The following TCERG1L variants were observed in gnomAD, a reference collection of about 807,000 sequenced individuals.
TCERG1L encodes transcription elongation regulator 1-like protein.
In TCERG1L, 37 loss-of-function variants were observed where a neutral mutation model predicts 56.3. The ratio of observed to expected loss-of-function variants is 0.66; its 90% confidence interval spans 0.51 to 0.87. The LOEUF is 0.87. TCERG1L is among the 40% of genes least tolerant of loss of function. The pLI is 0.00. For missense variants in TCERG1L, 799 were observed against 774.2 expected, an observed-to-expected ratio of 1.03 and a Z score of -0.38; for synonymous variants, 324 against 326.3, an observed-to-expected ratio of 0.99 and a Z score of 0.08.
Position 131,267,433 on chromosome 10 carries a change from C to G in TCERG1L, c.671-6989G>C, listed in dbSNP as rs1227536317. Among the ~76,000 whole-genome samples, 1 of 152,230 alleles carries G rather than the reference C, an allele frequency of 6.6e-6. No individual in the cohort carries two copies. The highest frequency in any genetic ancestry group is 1.5e-5 in the Non-Finnish European group (1 of 68,038). On this transcript the variant is annotated intron_variant, in intron 3 of 11. Coordinates refer to ENST00000368642, the MANE Select transcript of TCERG1L (RefSeq NM_174937.4). This position sits in a 1 kb window ranked among gnomAD's most constrained non-coding sequence, Gnocchi z 4.9. ...AGGCCCACAGCTGCAACCTGGGTGG[C>G]TGCAACTGAGCCTCGGCAGCTCCCA...
intron 8 of TCERG1L, 68 bp from the exon 9 acceptor site, chr10:131,117,002 T>A (rs2133390290): frequency 1.3e-6 from 2 of 1,525,056 alleles, no homozygotes; most frequent in Middle Eastern, 1.7e-4. Context: ...TTGCAACCTT[T>A]ACAAACCCTC....
intron 4 of TCERG1L, among the ~76,000 whole-genome samples, chr10:131,194,534 ATT>A (rs1182214185): frequency 2.0e-5 from 3 of 152,010 alleles, no homozygotes; most frequent in African/African-American, 7.3e-5. Context: ...TCAAATTTTT[ATT>A]GTTAGGTGGT....
At position 131,158,726 on chromosome 10, in the gene TCERG1L, C is replaced by T. The variant is rs558508962; in HGVS notation, c.1034+4396G>A. Among the ~76,000 whole-genome samples the T allele has an allele frequency of 2.2e-3, 337 of 152,320 alleles. 1 individual carries two copies. Among genetic ancestry groups the T allele is most frequent in the African/African-American group, 7.5e-3 (310 of 41,572 alleles). ...TGGGATCTGACCTGAGCTGACAGCC[C>T]GGACCACCACCCCTGCCTGGCTGAG... On this transcript the variant is annotated intron_variant, in intron 6 of 11. Transcript: ENST00000368642.
At chr10:131,163,688 C>CTA (rs1564805242) in intron 5 of TCERG1L, among the ~76,000 whole-genome samples, 2 of 152,142 alleles carry the variant, frequency 1.3e-5, no homozygotes, top group Non-Finnish European at 2.9e-5. Flanking sequence ...TCCTCAATAA[C>CTA]GACTCTGCCA....
intron 4 of TCERG1L, among the ~76,000 whole-genome samples, chr10:131,183,719 AG>A (rs1327927996): frequency 6.6e-6 from 1 of 152,182 alleles, no homozygotes; most frequent in Admixed American, 6.5e-5. Context: ...CTCAGGGCCC[AG>A]GCTCTCTGGA....
intron 6 of TCERG1L, among the ~76,000 whole-genome samples, chr10:131,159,053 C>G (rs2133427183): frequency 6.6e-6 from 1 of 152,358 alleles, no homozygotes; most frequent in South Asian, 2.1e-4. Flanking sequence ...GAGCACAAGA[C>G]CTTTCCCTGC....
chr10:131,140,872 T>C (rs556277947), intron 7 of TCERG1L, among the ~76,000 whole-genome samples: 4 of 152,264 alleles, frequency 2.6e-5, no homozygotes, highest in African/African-American at 9.6e-5. Flanking sequence ...CCGCCTGCAC[T>C]GGAGGGCAAG....
At position 131,151,881 on chromosome 10, in the gene TCERG1L, G is replaced by A. The variant is rs142971497; in HGVS notation, c.1035-5221C>T. 3.2e-3 allele frequency among the ~76,000 whole-genome samples: 492 copies of A among 152,318 alleles called. 1 individual carries two copies. Among genetic ancestry groups the A allele is most frequent in the Middle Eastern group, 0.014 (4 of 294 alleles). ...AATTCTTGACTTCTGTGTACCCAGA[G>A]GCTCAACACGTGAAAGCCACCAAGG... On this transcript the variant is annotated intron_variant, in intron 6 of 11. Coordinates refer to ENST00000368642, the MANE Select transcript of TCERG1L (RefSeq NM_174937.4).
chr10:131,135,134 G>A (rs956361593), intron 7 of TCERG1L, among the ~76,000 whole-genome samples: 1 of 152,192 alleles, frequency 6.6e-6, no homozygotes, highest in Non-Finnish European at 1.5e-5. Flanking sequence ...AGATGGTCTG[G>A]AGTGTCATCC....
intron 4 of TCERG1L, among the ~76,000 whole-genome samples, chr10:131,196,948 G>C (rs888656649): frequency 6.6e-6 from 1 of 152,154 alleles, no homozygotes; most frequent in Non-Finnish European, 1.5e-5. Context: ...AAAATGAAAG[G>C]CAGAACAAGG....
chr10:131,157,116 CCTTTT>C (rs1845931967), intron 6 of TCERG1L, among the ~76,000 whole-genome samples: 1 of 152,162 alleles, frequency 6.6e-6, no homozygotes, highest in Non-Finnish European at 1.5e-5. Context: ...ACACTTCTTA[CCTTTT>C]AACGACTTTT....
intron 6 of TCERG1L, chr10:131,161,355 G>C (rs772889552): frequency 6.6e-6 from 1 of 152,260 alleles, no homozygotes; most frequent in East Asian, 1.9e-4. Flanking sequence ...GTGCATAAAA[G>C]GATGTCGGAT....
At chr10:131,205,840 TGTGGGA>T (rs1845517621) in intron 4 of TCERG1L, among the ~76,000 whole-genome samples, 1 of 152,168 alleles carries the variant, frequency 6.6e-6, no homozygotes, top group Non-Finnish European at 1.5e-5. Context: ...GACGGGAGGC[TGTGGGA>T]GCCCCTGGGA....
chr10:131,144,596 A>G (rs961962326), intron 7 of TCERG1L, among the ~76,000 whole-genome samples: 1 of 152,088 alleles, frequency 6.6e-6, no homozygotes, highest in Non-Finnish European at 1.5e-5. Flanking sequence ...AAAAAAAAAG[A>G]CTGGTTGAAA....
chr10:131,238,146 C>T (rs1490556489), intron 4 of TCERG1L, among the ~76,000 whole-genome samples: 3 of 152,136 alleles, frequency 2.0e-5, no homozygotes, highest in Non-Finnish European at 4.4e-5. Flanking sequence ...CTGTTCCAGC[C>T]CCTAGATCTG....
intron 4 of TCERG1L, among the ~76,000 whole-genome samples, chr10:131,214,062 G>T (rs994892052): frequency 6.8e-6 from 1 of 148,104 alleles, no homozygotes; most frequent in East Asian, 2.0e-4. Context: ...ACACACACAC[G>T]CACAACAGTT....
intron 7 of TCERG1L, among the ~76,000 whole-genome samples, chr10:131,145,245 A>G (rs917083330): frequency 2.6e-5 from 4 of 152,238 alleles, no homozygotes; most frequent in Admixed American, 2.6e-4. Context: ...CTTCTTGTCC[A>G]TGAGTAAGAA....
intron 4 of TCERG1L, among the ~76,000 whole-genome samples, chr10:131,184,401 G>T (rs948711989): frequency 3.3e-5 from 5 of 152,198 alleles, no homozygotes; most frequent in African/African-American, 1.2e-4. Flanking sequence ...AACAACTATC[G>T]CTGGAGGAGA....
At chr10:131,203,418 A>C (rs968450785) in intron 4 of TCERG1L, among the ~76,000 whole-genome samples, 1 of 152,190 alleles carries the variant, frequency 6.6e-6, no homozygotes, top group East Asian at 1.9e-4. Flanking sequence ...AAGCACCCTA[A>C]GACCTCTTTG....
Sources: gnomAD v4.1 joint callset for allele counts (sites outside exome capture counted in the v4.1 genomes callset) on GRCh38, gnomAD v4.1.1 for gene constraint, Gnocchi (gnomAD v3.1) non-coding constraint, MANE v1.5 for transcripts, NCBI Gene and HGNC (gene_info 2026-07-23, HGNC 2026-07-21) for gene names.